LARGE1: variants seen among roughly 807,000 people sequenced by gnomAD.
LARGE1 encodes the protein LARGE xylosyl- and glucuronyltransferase 1, also known as xylosyl- and glucuronyltransferase LARGE1.
LARGE1 carries 43 observed loss-of-function variants against 87.6 expected under a neutral mutation model. That is an observed-to-expected ratio of 0.49 (90% confidence interval 0.38 to 0.63). The LOEUF is 0.63. Ranked by LOEUF, LARGE1 falls within the 30% of genes least tolerant of loss-of-function variation. The probability of loss-of-function intolerance (pLI) is 0.00; values close to 1 mark genes in which losing one functional copy is unlikely to be tolerated. For missense variants in LARGE1, 802 were observed against 1,000.2 expected, an observed-to-expected ratio of 0.80 and a Z score of 2.67; for synonymous variants, 434 against 394.6, an observed-to-expected ratio of 1.10 and a Z score of -1.18.
chr22:33,550,781 A>G (rs2077502415), intron 6 of LARGE1, among the ~76,000 whole-genome samples: 4 of 152,258 alleles, frequency 2.6e-5, no homozygotes, highest in Admixed American at 2.0e-4. Context: ...TAGCAAAGAC[A>G]TGAAATCAAC....
At chr22:33,161,968 T>C (rs977230468), downstream of LARGE1, among the ~76,000 whole-genome samples, 1 of 152,214 alleles carries the variant, frequency 6.6e-6, no homozygotes, top group Non-Finnish European at 1.5e-5. Flanking sequence ...CTGCCTGGAA[T>C]TCATTGTCCA....
At chr22:33,745,406 G>A (rs531486410) in intron 2 of LARGE1, among the ~76,000 whole-genome samples, 1 of 152,252 alleles carries the variant, frequency 6.6e-6, no homozygotes, top group Admixed American at 6.5e-5. Context: ...AAATTAAGCC[G>A]TGGGTGAGGT....
chr22:33,337,340 A>C (rs112028871), intron 10 of LARGE1, among the ~76,000 whole-genome samples: 4 of 152,250 alleles, frequency 2.6e-5, no homozygotes, highest in African/African-American at 9.6e-5. Context: ...TTTCCTGGCT[A>C]TGAGAGACAC....
chr22:33,734,522 G>T (rs7292917), intron 2 of LARGE1, among the ~76,000 whole-genome samples: 1 of 152,048 alleles, frequency 6.6e-6, no homozygotes, highest in African/African-American at 2.4e-5. Flanking sequence ...TTTACGAGAG[G>T]AACTAAAACA....
chr22:33,371,547 TAAAC>T (rs2064807738), intron 9 of LARGE1, among the ~76,000 whole-genome samples: 2 of 152,188 alleles, frequency 1.3e-5, no homozygotes, highest in Admixed American at 6.5e-5. Context: ...GGCTCTTACT[TAAAC>T]AAACACCTGA....
intron 8 of LARGE1, among the ~76,000 whole-genome samples, 164 bp downstream of exon 8, chr22:33,384,028 T>C (rs749278698): frequency 6.6e-6 from 1 of 152,172 alleles, no homozygotes; most frequent in Non-Finnish European, 1.5e-5. Flanking sequence ...CACTAAGGAG[T>C]TGAGCTGTTG....
intron 2 of LARGE1, among the ~76,000 whole-genome samples, chr22:33,728,394 C>A (rs975061908): frequency 1.3e-5 from 2 of 151,686 alleles, no homozygotes; most frequent in Admixed American, 6.6e-5. Flanking sequence ...CAAAAATTAG[C>A]CAGGCACGGG....
the LARGE1 span, among the ~76,000 whole-genome samples, chr22:33,132,173 T>C: frequency 6.6e-6 from 1 of 152,106 alleles, no homozygotes; most frequent in Admixed American, 6.5e-5. Context: ...TTTATTTGTG[T>C]ATTTACTTAT....
intron 1 of LARGE1, among the ~76,000 whole-genome samples, chr22:33,834,637 CT>C (rs1186828834): frequency 6.6e-6 from 1 of 152,238 alleles, no homozygotes; most frequent in African/African-American, 2.4e-5. Context: ...AGCTTTATTG[CT>C]CACGCAAAGC....
intron 1 of LARGE1, among the ~76,000 whole-genome samples, chr22:33,855,522 G>T (rs68063018): frequency 6.6e-6 from 1 of 151,926 alleles, no homozygotes; most frequent in South Asian, 2.1e-4. Context: ...CACCAGGGCT[G>T]TGTGGTACAA....
chr22:33,326,374 T>C (rs1291463402), intron 10 of LARGE1, among the ~76,000 whole-genome samples: 1 of 152,202 alleles, frequency 6.6e-6, no homozygotes, highest in Non-Finnish European at 1.5e-5. Context: ...TCCTATGGTC[T>C]AGGAGGAGAG....
At chr22:33,910,289 A>T (rs1253603024) in intron 1 of LARGE1, among the ~76,000 whole-genome samples, 2 of 152,170 alleles carry the variant, frequency 1.3e-5, no homozygotes, top group Non-Finnish European at 2.9e-5. Context: ...AGATATAAGG[A>T]TGGGTGTAAC....
intron 11 of LARGE1, among the ~76,000 whole-genome samples, chr22:33,186,089 T>C (rs766461527): frequency 3.9e-5 from 6 of 152,076 alleles, no homozygotes; most frequent in African/African-American, 4.8e-5. Context: ...ACTGTTGAAG[T>C]CTATCAACCA....
intron 1 of LARGE1, among the ~76,000 whole-genome samples, chr22:33,777,139 G>C (rs1374595425): frequency 6.6e-6 from 1 of 152,140 alleles, no homozygotes; most frequent in Non-Finnish European, 1.5e-5. Flanking sequence ...ATTCCTGGCA[G>C]AAAGAACCAT....
chr22:33,466,735 A>G (rs2068634997), intron 6 of LARGE1, among the ~76,000 whole-genome samples: 1 of 150,944 alleles, frequency 6.6e-6, no homozygotes, highest in African/African-American at 2.5e-5. Context: ...CACTACACAC[A>G]CACACCTTAA....
chr22:33,358,191 C>G (rs576061914), intron 9 of LARGE1, among the ~76,000 whole-genome samples: 1 of 152,130 alleles, frequency 6.6e-6, no homozygotes, highest in Non-Finnish European at 1.5e-5. Flanking sequence ...AGCCCTTGGA[C>G]GCAGGTCATA....
chr22:33,156,471 C>T, the LARGE1 span, among the ~76,000 whole-genome samples: 3 of 152,172 alleles, frequency 2.0e-5, no homozygotes, highest in African/African-American at 7.2e-5. Flanking sequence ...GGTTTGACTG[C>T]TCCACTGGAT....
chr22:33,702,097 C>T (rs1464925782), intron 2 of LARGE1, among the ~76,000 whole-genome samples: 2 of 152,148 alleles, frequency 1.3e-5, no homozygotes, highest in East Asian at 3.9e-4. Flanking sequence ...CAGAGTTGTT[C>T]CAAAAAGTCA....
the LARGE1 span, among the ~76,000 whole-genome samples, chr22:33,095,104 T>C: frequency 3.9e-5 from 6 of 152,272 alleles, no homozygotes; most frequent in African/African-American, 1.2e-4. Flanking sequence ...GTTCTGTTCA[T>C]GCATCTCTCT....
Sources: gnomAD v4.1 joint callset for allele counts (sites outside exome capture counted in the v4.1 genomes callset) on GRCh38, gnomAD v4.1.1 for gene constraint, MANE v1.5 for transcripts, NCBI Gene and HGNC (gene_info 2026-07-23, HGNC 2026-07-21) for gene names.